Variants in PTCHD1 observed in about 807,000 individuals in gnomAD.
The protein encoded by PTCHD1 is patched domain containing 1.
In PTCHD1, 3 loss-of-function variants were observed where a neutral mutation model predicts 34.6. That is an observed-to-expected ratio of 0.09 (90% CI 0.04 to 0.22). The LOEUF is 0.22. PTCHD1 is among the 10% of genes least tolerant of loss of function. PTCHD1 has a pLI of 1.00. For synonymous variants in PTCHD1, 305 were observed against 283.1 expected, an observed-to-expected ratio of 1.08 and a Z score of -0.77; for missense variants, 504 against 685.5, an observed-to-expected ratio of 0.74 and a Z score of 2.96.
At chrX:23,335,254 C>A in intron 1 of PTCHD1, 28 bp downstream of exon 1, 2 of 1,131,031 alleles carry the variant, frequency 1.8e-6, no homozygotes, top group South Asian at 1.8e-5. Flanking sequence ...CGGGCAGACT[C>A]CGCCAGCGCC....
intron 1 of PTCHD1, among the ~76,000 whole-genome samples, chrX:23,366,893 C>T (rs1410672083): frequency 9.4e-6 from 1 of 106,692 alleles, no homozygotes; most frequent in Admixed American, 1.0e-4. Context: ...CTATTGCACA[C>T]TCACCACTGC....
At chrX:23,349,718 GT>G (rs1601904081) in intron 1 of PTCHD1, among the ~76,000 whole-genome samples, 1 of 111,727 alleles carries the variant, frequency 9.0e-6, no homozygotes, top group Non-Finnish European at 1.9e-5. Context: ...CACTATTATA[GT>G]TGGAGACTTC....
chrX:23,366,916 C>T (rs1922155908), intron 1 of PTCHD1, among the ~76,000 whole-genome samples: 1 of 84,950 alleles, frequency 1.2e-5, no homozygotes, highest in Non-Finnish European at 2.3e-5. Context: ...CACACATGCT[C>T]CTGGTACACA....
At chrX:23,385,896 TATATATC>T (rs1922676053) in intron 2 of PTCHD1, among the ~76,000 whole-genome samples, 1 of 111,213 alleles carries the variant, frequency 9.0e-6, no homozygotes, top group Non-Finnish European at 1.9e-5. Context: ...TTAGCTGTAT[TATATATC>T]ATATGCAATA....
intron 2 of PTCHD1, among the ~76,000 whole-genome samples, chrX:23,381,793 G>A (rs973351819): frequency 6.3e-5 from 7 of 111,777 alleles, no homozygotes; most frequent in Non-Finnish European, 1.1e-4. Context: ...TCCTGAATTC[G>A]GTCTATTAAG....
intron 1 of PTCHD1, among the ~76,000 whole-genome samples, chrX:23,375,012 C>A (rs1166796641): frequency 2.7e-5 from 3 of 111,869 alleles, no homozygotes; most frequent in Non-Finnish European, 5.6e-5. Flanking sequence ...TTCCATTGTG[C>A]CCCAGGACCT....
intron 1 of PTCHD1, among the ~76,000 whole-genome samples, chrX:23,365,482 G>C (rs1163248395): frequency 1.8e-5 from 2 of 110,474 alleles, no homozygotes; most frequent in Non-Finnish European, 3.8e-5. Context: ...AGGGCAAACA[G>C]AACGGAGCAG....
intron 2 of PTCHD1, among the ~76,000 whole-genome samples, chrX:23,381,556 C>T (rs988732821): frequency 8.9e-6 from 1 of 111,895 alleles, no homozygotes; most frequent in African/African-American, 3.2e-5. Context: ...AGGAAATCTC[C>T]GCTGTGTTGT....
At chrX:23,342,310 ATTTTTTTTT>A (rs1174366015) in intron 1 of PTCHD1, among the ~76,000 whole-genome samples, 3 of 12,945 alleles carry the variant, frequency 2.3e-4, no homozygotes, top group African/African-American at 7.0e-4. Flanking sequence ...ATATATATAT[ATTTTTTTTT>A]TTTTTTTTTT....
intron 1 of PTCHD1, among the ~76,000 whole-genome samples, chrX:23,355,045 G>T (rs1350363058): frequency 1.0e-5 from 1 of 95,965 alleles, no homozygotes. Context: ...GGAGGGGGGA[G>T]GGAGAAGCCA....
At chrX:23,352,874 G>A (rs1921679919) in intron 1 of PTCHD1, among the ~76,000 whole-genome samples, 1 of 111,708 alleles carries the variant, frequency 9.0e-6, no homozygotes, top group Non-Finnish European at 1.9e-5. Context: ...TAGTAAATCA[G>A]AATCTGCATT....
At chrX:23,358,835 G>A (rs1921888655) in intron 1 of PTCHD1, among the ~76,000 whole-genome samples, 1 of 112,176 alleles carries the variant, frequency 8.9e-6, no homozygotes, top group South Asian at 3.7e-4. Context: ...TAAGGTGTAA[G>A]GAAGGGATCC....
rs1921159808 is a variant in PTCHD1, at chrX:23,335,960, C to G, written c.351+734C>G. 1.8e-5 allele frequency among the ~76,000 whole-genome samples: 2 copies of G among 111,557 alleles called. 1 individual carries two copies. The highest frequency in any genetic ancestry group is 1.9e-4 in the Admixed American group (2 of 10,605). ...CCAAAACTTTGGGAAAAGAGGGAAC[C>G]GATCAATCCACTTTTATTTGGGTGC... On this transcript the variant is annotated intron_variant, in intron 1 of 2. Transcript: ENST00000379361.
chrX:23,343,358 C>T (rs1234867839), intron 1 of PTCHD1, among the ~76,000 whole-genome samples: 1 of 111,830 alleles, frequency 8.9e-6, no homozygotes, highest in African/African-American at 3.2e-5. Flanking sequence ...GACCTCAGTC[C>T]CCAATCAGTG....
At chrX:23,347,771 C>T (rs901569757) in intron 1 of PTCHD1, among the ~76,000 whole-genome samples, 2 of 111,598 alleles carry the variant, frequency 1.8e-5, no homozygotes, top group African/African-American at 6.5e-5. Flanking sequence ...TCTGGGAAGC[C>T]GAGGTGGAAG....
intron 1 of PTCHD1, among the ~76,000 whole-genome samples, chrX:23,371,994 C>A (rs1922290853): frequency 1.8e-5 from 2 of 110,834 alleles, no homozygotes; most frequent in Non-Finnish European, 3.8e-5. Flanking sequence ...GTTATGTGTT[C>A]CAGGCACTGT....
intron 1 of PTCHD1, chrX:23,351,038 A>T: frequency 2.5e-6 from 1 of 394,173 alleles, no homozygotes; most frequent in Non-Finnish European, 4.4e-6. Flanking sequence ...TCCTATCCTG[A>T]TTCAAATGGG....
chrX:23,394,538 T>G lies in PTCHD1; in HGVS notation c.*353T>G. On this transcript the variant is annotated 3_prime_UTR_variant, in exon 3 of 3. Coordinates refer to ENST00000379361, the MANE Select transcript of PTCHD1 (RefSeq NM_173495.3). Reference sequence around the variant, plus strand: ...GATCCTGCCTTATCCAAACTGCAGATGTTGCTGGCATTGTGACAAAACCCA... The same window carrying G: ...GATCCTGCCTTATCCAAACTGCAGAGGTTGCTGGCATTGTGACAAAACCCA... 1.3e-5 allele frequency: 2 copies of G among 159,913 alleles called. No individual in the cohort carries two copies. The highest frequency in any genetic ancestry group is 1.2e-5 in the Non-Finnish European group (1 of 83,404). 13.2% of individuals were successfully genotyped at this position (159,913 alleles called of 1,213,427 possible).
intron 1 of PTCHD1, among the ~76,000 whole-genome samples, chrX:23,376,044 T>C (rs1164207365): frequency 8.9e-6 from 1 of 111,901 alleles, no homozygotes. Flanking sequence ...GCACTTGGCG[T>C]TGTTTACTGT....
Sources: allele counts gnomAD v4.1 joint callset (sites outside exome capture counted in the v4.1 genomes callset), GRCh38; gene constraint gnomAD v4.1.1; transcripts MANE v1.5; gene names NCBI Gene and HGNC (gene_info 2026-07-23, HGNC 2026-07-21).